The following CELF6 variants were observed in gnomAD, a reference collection of about 807,000 sequenced individuals.
CELF6 encodes the protein Bruno -like 6, RNA binding protein.
In CELF6, 32 loss-of-function variants were observed where a neutral mutation model predicts 53.1. The ratio of observed to expected loss-of-function variants is 0.60; its 90% CI spans 0.46 to 0.81. CELF6 has a LOEUF of 0.81. Ranked by LOEUF, CELF6 falls within the 30% of genes least tolerant of loss-of-function variation. The pLI, the probability that CELF6 is intolerant of heterozygous loss-of-function variation, is 0.00. For synonymous variants in CELF6, 291 were observed against 288.8 expected (o/e 1.01, Z -0.08); for missense variants, 539 against 669.5 (o/e 0.81, Z 2.15).
chr15:72,309,569 G>C (rs1441607390), intron 2 of CELF6, among the ~76,000 whole-genome samples: 1 of 152,198 alleles, frequency 6.6e-6, no homozygotes, highest in Non-Finnish European at 1.5e-5. Flanking sequence ...CAGAGTTGGG[G>C]AGAGCAGGGC....
At chr15:72,292,317 T>G in intron 3 of CELF6, 1 of 1,318,594 alleles carries the variant, frequency 7.6e-7, no homozygotes. Context: ...TCTGATGGCT[T>G]TGCCTTGACA....
At chr15:72,308,106 T>TC (rs1312290925) in intron 2 of CELF6, among the ~76,000 whole-genome samples, 1 of 152,204 alleles carries the variant, frequency 6.6e-6, no homozygotes, top group Non-Finnish European at 1.5e-5. Context: ...CTCTAAGGTC[T>TC]CTGAGCCTCA....
chr15:72,300,361 T>TAAA (rs775512638), intron 3 of CELF6, among the ~76,000 whole-genome samples: 1 of 108,922 alleles, frequency 9.2e-6, no homozygotes, highest in African/African-American at 3.4e-5. Context: ...ACACTGTCTC[T>TAAA]AAAAAAAAAA....
intron 2 of CELF6, among the ~76,000 whole-genome samples, chr15:72,308,517 G>A (rs753568304): frequency 3.9e-5 from 6 of 151,996 alleles, no homozygotes; most frequent in African/African-American, 4.8e-5. Flanking sequence ...GTGAGCCACC[G>A]CACCTGGCCG....
Position 72,289,188 on chromosome 15 carries a change from C to A in CELF6, c.980G>T (p.Gly327Val). The A allele has an allele frequency of 6.4e-7, 1 of 1,561,800 alleles. No individual in the cohort carries two copies. Among genetic ancestry groups the A allele is most frequent in the Middle Eastern group, 1.7e-4 (1 of 5,860 alleles). The change falls in exon 8 of 13, where the codon GGC becomes GTC. Residue 327 changes from glycine (G) to valine (V), a missense_variant. Physicochemically the swap from Gly to Val is moderately radical, Grantham distance 109. This residue lies in a region of CELF6 where 358 missense variants were observed against 412.8 expected (regional missense o/e 0.87). Transcript: ENST00000287202. This position sits in a 1 kb window ranked among gnomAD's most constrained non-coding sequence, Gnocchi z 7.6. Reference protein sequence around the residue: ...GFGPLTPQTNGQPGSDTLYNN... With the variant: ...GFGPLTPQTNVQPGSDTLYNN... ...GTAGAGCGTGTCGGAGCCCGGCTGG[C>A]CATTGGTCTGGGGGGTCAGAGGGCC...
chr15:72,318,232 T>C (rs1305514200), intron 1 of CELF6, among the ~76,000 whole-genome samples: 4 of 152,076 alleles, frequency 2.6e-5, no homozygotes, highest in Non-Finnish European at 5.9e-5. Flanking sequence ...GCCCAAAGGG[T>C]GGAAGCTGTA....
At chr15:72,306,290 C>T (rs1399019011) in intron 2 of CELF6, 4 of 985,136 alleles carry the variant, frequency 4.1e-6, no homozygotes, top group Admixed American at 6.2e-5. Flanking sequence ...AGCGGCCTTC[C>T]CGTTCATGGA....
At chr15:72,287,491 T>C in intron 11 of CELF6, 99 bp from the exon 12 acceptor site, 1 of 1,416,954 alleles carries the variant, frequency 7.1e-7, no homozygotes, top group Non-Finnish European at 9.7e-7. Context: ...GTCAGGCCAG[T>C]TCCATCAAAC....
chr15:72,289,049 G>T lies in CELF6; in HGVS notation c.1030+89C>A. 1 of 1,245,672 alleles carries T rather than the reference G, an allele frequency of 8.0e-7. No homozygotes were observed. The highest frequency in any genetic ancestry group is 2.5e-5 in the Admixed American group (1 of 39,856). The allele number at this position is 1,245,672 out of a possible 1,614,324, so 77.2% of individuals were successfully genotyped here. ...GTGAGAGACAGCAGGGAAGGAGGGG[G>T]ATCTCTTCCCAGGGAAGCCAGGCCC... On this transcript the variant is annotated intron_variant, in intron 8 of 12. Transcript: ENST00000287202. The surrounding 1 kb of genome is among the most constrained non-coding windows in gnomAD (Gnocchi z 7.6).
At position 72,289,705 on chromosome 15, in the gene CELF6, C is replaced by T; in HGVS notation, c.669G>A (p.Met223Ile). 6.7e-7 allele frequency: 1 copy of T among 1,483,350 alleles called. No individual in the cohort carries two copies. The highest frequency in any genetic ancestry group is 8.9e-7 in the Non-Finnish European group (1 of 1,126,430). The allele number at this position is 1,483,350 out of a possible 1,614,324, so 91.9% of individuals were successfully genotyped here. Reference sequence around the variant, plus strand: ...CGCCCAGGTGGCCGGCCATCTGCTGCATCCGCCGCAGCGCGCGCTCCCGGT... The same window carrying T: ...CGCCCAGGTGGCCGGCCATCTGCTGTATCCGCCGCAGCGCGCGCTCCCGGT... ...DTDRERALRRMQQMAGHLGAF... is the reference protein window; with the variant it reads ...DTDRERALRRIQQMAGHLGAF... The change falls in exon 6 of 13, where the codon ATG (methionine) becomes ATA (isoleucine). Residue 223 changes from methionine to isoleucine, a missense_variant. By Grantham distance (10) the Met-to-Ile change is conservative. Coordinates refer to ENST00000287202, the MANE Select transcript of CELF6 (RefSeq NM_052840.5). The surrounding 1 kb of genome is among the most constrained non-coding windows in gnomAD (Gnocchi z 7.6).
At chr15:72,296,684 A>T (rs960756043) in intron 3 of CELF6, among the ~76,000 whole-genome samples, 2 of 152,250 alleles carry the variant, frequency 1.3e-5, no homozygotes, top group African/African-American at 4.8e-5. Flanking sequence ...GGCAACAAGC[A>T]TAAGAAAAGA....
chr15:72,297,039 G>A (rs11637797), intron 3 of CELF6, among the ~76,000 whole-genome samples: 113,697 of 152,126 alleles, frequency 0.75, 48,492 homozygotes, highest in Non-Finnish European at 0.94. Flanking sequence ...ATATATTTAT[G>A]GGGTACAATG....
intron 2 of CELF6, among the ~76,000 whole-genome samples, chr15:72,311,652 T>C (rs1371940752): frequency 6.6e-6 from 1 of 152,166 alleles, no homozygotes; most frequent in African/African-American, 2.4e-5. Context: ...TCCGCCCGCC[T>C]CAGCCTCCCA....
Position 72,288,827 on chromosome 15 carries a change from G to A in CELF6, c.1093+41C>T. The A allele has an allele frequency of 6.6e-7, 1 of 1,522,230 alleles. No homozygotes were observed. Among genetic ancestry groups the A allele is most frequent in the Non-Finnish European group, 8.9e-7 (1 of 1,120,878 alleles). The allele number at this position is 1,522,230 out of a possible 1,614,324, so 94.3% of individuals were successfully genotyped here. A position where few individuals can be genotyped will look rare whatever the true frequency, so the allele number is the denominator to read the frequency against. On this transcript the variant is annotated intron_variant, in intron 9 of 12. Transcript: ENST00000287202. The surrounding 1 kb of genome is among the most constrained non-coding windows in gnomAD (Gnocchi z 4.6). ...ACAACTCTCCCTATTTCTTTCTAGG[G>A]CCCTTCAACCTCCCCCAGGCCGCGT...
At chr15:72,292,886 G>A (rs1253964245) in intron 3 of CELF6, among the ~76,000 whole-genome samples, 1 of 152,192 alleles carries the variant, frequency 6.6e-6, no homozygotes, top group African/African-American at 2.4e-5. Flanking sequence ...AAATAGCCAG[G>A]CGTGGTGGCA....
intron 3 of CELF6, among the ~76,000 whole-genome samples, chr15:72,304,282 C>G (rs1030611698): frequency 6.6e-6 from 1 of 152,088 alleles, no homozygotes; most frequent in East Asian, 1.9e-4. Flanking sequence ...TAAAGTCTGT[C>G]GTACCAGCCT....
At chr15:72,306,367 C>T in intron 2 of CELF6, 1 of 911,390 alleles carries the variant, frequency 1.1e-6, no homozygotes, top group Non-Finnish European at 1.3e-6. Flanking sequence ...TCAGGAAATG[C>T]TCTGCTTCTG....
chr15:72,287,843 T>C (rs1035438334), intron 11 of CELF6, among the ~76,000 whole-genome samples: 21 of 152,008 alleles, frequency 1.4e-4, no homozygotes, highest in Non-Finnish European at 1.5e-4. Flanking sequence ...TCGTTCTTTT[T>C]TTTTTTTTTT....
chr15:72,302,484 T>C (rs1477582090), intron 3 of CELF6, among the ~76,000 whole-genome samples: 1 of 152,210 alleles, frequency 6.6e-6, no homozygotes, highest in East Asian at 1.9e-4. Flanking sequence ...GTACAGAATT[T>C]TTTAATGATG....
Sources: allele counts gnomAD v4.1 joint callset (sites outside exome capture counted in the v4.1 genomes callset), GRCh38; gene constraint gnomAD v4.1.1; regional missense constraint gnomAD v4.1.1; non-coding constraint Gnocchi (gnomAD v3.1); transcripts MANE v1.5; gene names NCBI Gene and HGNC (gene_info 2026-07-23, HGNC 2026-07-21).